PRR12: variants seen among roughly 807,000 people sequenced by gnomAD.
PRR12 encodes proline-rich protein 12.
In PRR12, 12 loss-of-function variants were observed where a neutral mutation model predicts 138.0. The observed-to-expected ratio is 0.09, with a 90% CI of 0.06 to 0.14. The LOEUF is 0.14. PRR12 is among the 10% of genes least tolerant of loss of function. The pLI, the probability that PRR12 is intolerant of heterozygous loss-of-function variation, is 1.00. For missense variants in PRR12, 2,692 were observed against 2,861.3 expected, an observed-to-expected ratio of 0.94 and a Z score of 1.35; for synonymous variants, 1,567 against 1,291.7, an observed-to-expected ratio of 1.21 and a Z score of -4.57.
At position 49,614,468 on chromosome 19, in the gene PRR12, G is replaced by A. The variant is rs556503418; in HGVS notation, c.4774-65G>A. ...GTGAGGGAAGCCAGTGGGCCAGGGC[G>A]TAGGGGCAGTAGGTCTAGGAATGAG... is the stretch of plus-strand genomic sequence containing the variant. On this transcript the variant is annotated intron_variant, in intron 6 of 13. Transcript: ENST00000418929. The surrounding 1 kb of genome is among the most constrained non-coding windows in gnomAD (Gnocchi z 5.0). 1,918 of 1,192,672 alleles carry A rather than the reference G, an allele frequency of 1.6e-3. 4 individuals carry two copies. Among genetic ancestry groups the A allele is most frequent in the Non-Finnish European group, 2.1e-3 (1,806 of 867,416 alleles). 73.9% of individuals were successfully genotyped at this position (1,192,672 alleles called of 1,614,324 possible).
rs2080946872 is a variant in PRR12, at chr19:49,624,922, C to T, written c.5800C>T (p.Arg1934Trp). 2.5e-6 allele frequency: 4 copies of T among 1,603,364 alleles called. No individual in the cohort carries two copies. The highest frequency in any genetic ancestry group is 3.4e-6 in the Non-Finnish European group (4 of 1,174,632). Residue 1934 changes from arginine to tryptophan, a missense_variant, in exon 12 of 14, where the codon CGG (arginine) becomes TGG (tryptophan). By Grantham distance (101) the Arg-to-Trp change is moderately radical. This residue lies in a region of PRR12 where 116 missense variants were observed against 243.4 expected (regional missense o/e 0.48). Coordinates refer to ENST00000418929, the MANE Select transcript of PRR12 (RefSeq NM_020719.3). The part of the protein sequence containing the change: ...GSPEEGAVRL[R>W]PAGEPYNRKT... ...TCCGGAAGAGGGGGCTGTGCGGCTG[C>T]GGCCTGCTGGGGAACCCTACAACCG...
At chr19:49,621,012 G>A (rs1384955375) in intron 10 of PRR12, among the ~76,000 whole-genome samples, 4 of 121,968 alleles carry the variant, frequency 3.3e-5, no homozygotes, top group Admixed American at 1.6e-4. Context: ...GTCTGAGGGA[G>A]GAGGGGCTGG....
chr19:49,596,303 A>G lies in PRR12; in HGVS notation c.1968A>G (p.Ser656=). The change falls in exon 4 of 14, where the codon TCA becomes TCG. Residue 656 remains serine (S), a synonymous_variant. Transcript: ENST00000418929. The surrounding 1 kb of genome is among the most constrained non-coding windows in gnomAD (Gnocchi z 5.6). ...AGGCGCCCAGCCCTCCTCGGACCTC[A>G]GGGGCGGACGGCTTGGTGGGCGAGG... The part of the protein sequence containing the change: ...LLQAPSPPRT[S]GADGLVGEDG... 2 of 1,610,732 alleles carry G rather than the reference A, an allele frequency of 1.2e-6. No individual in the cohort carries two copies. The highest frequency in any genetic ancestry group is 1.7e-6 in the Non-Finnish European group (2 of 1,179,372).
At chr19:49,611,089 G>T (rs1371073243) in intron 6 of PRR12, among the ~76,000 whole-genome samples, 1 of 151,852 alleles carries the variant, frequency 6.6e-6, no homozygotes. Flanking sequence ...TGATCCATCT[G>T]CCTCGGCCTT....
At position 49,595,763 on chromosome 19, in the gene PRR12, AG is replaced by A; in HGVS notation, c.1433del (p.Gly478AlafsTer113). 1.2e-6 allele frequency: 2 copies of A among 1,601,956 alleles called. No homozygotes were observed. Among genetic ancestry groups the A allele is most frequent in the Non-Finnish European group, 1.7e-6 (2 of 1,174,980 alleles). ...ACTTGAGCAAAGCCCCCAGCTACTC[AG>A]GGGGCCCCCCACAGCCCCCCAGCGG... ...QDLSKAPSYS[G>X]GPPQPPSGPP... On this transcript the variant is annotated frameshift_variant, in exon 4 of 14. Transcript: ENST00000418929. LOFTEE classifies it high-confidence loss of function.
chr19:49,593,250 T>TC, intron 1 of PRR12, 77 bp from the exon 2 acceptor site: 18 of 422,206 alleles, frequency 4.3e-5, no homozygotes, highest in South Asian at 2.5e-4. Flanking sequence ...TCCCCCCAAC[T>TC]CCCCGGGGGG....
intron 6 of PRR12, among the ~76,000 whole-genome samples, chr19:49,606,209 G>C (rs1380835033): frequency 6.6e-6 from 1 of 151,914 alleles, no homozygotes; most frequent in African/African-American, 2.4e-5. Flanking sequence ...TCACTCTGTT[G>C]TCCTGGCTGG....
intron 6 of PRR12, among the ~76,000 whole-genome samples, chr19:49,606,280 C>T (rs949837805): frequency 4.0e-5 from 6 of 151,324 alleles, no homozygotes; most frequent in African/African-American, 9.7e-5. Flanking sequence ...CTGAGATTGC[C>T]GGTGTGAGCC....
At chr19:49,602,084 G>A (rs1481605858) in intron 6 of PRR12, among the ~76,000 whole-genome samples, 166 bp downstream of exon 6, 4 of 152,172 alleles carry the variant, frequency 2.6e-5, no homozygotes, top group African/African-American at 4.8e-5. Flanking sequence ...GAGGACCTGC[G>A]GGCCTCAGAG....
intron 6 of PRR12, 48 bp downstream of exon 6, chr19:49,601,966 CTGTT>C: frequency 6.3e-7 from 1 of 1,582,940 alleles, no homozygotes; most frequent in Non-Finnish European, 8.6e-7. Flanking sequence ...GTTTGGTCAC[CTGTT>C]TGTTGAGTGC....
In PRR12 at chr19:49,599,201, G is replaced by A. The variant is rs1397401964; in HGVS notation, c.3679-71G>A. The A allele has an allele frequency of 1.4e-5, 20 of 1,426,070 alleles. No homozygotes were observed. Among genetic ancestry groups the A allele is most frequent in the Non-Finnish European group, 1.9e-5 (20 of 1,078,686 alleles). 88.3% of individuals were successfully genotyped at this position (1,426,070 alleles called of 1,614,324 possible). ...TGAGCACCTGTAAATTTGGATTTTTGGGGGCTGAGGGAGGATGGGACTGGG... is the reference window on the plus strand; with the variant it reads ...TGAGCACCTGTAAATTTGGATTTTTAGGGGCTGAGGGAGGATGGGACTGGG... On this transcript the variant is annotated intron_variant, in intron 4 of 13. Transcript: ENST00000418929. The surrounding 1 kb of genome is among the most constrained non-coding windows in gnomAD (Gnocchi z 5.0).
In PRR12 at chr19:49,591,470, C is replaced by T. The variant is rs2080725139; in HGVS notation, c.-185C>T. Among the ~76,000 whole-genome samples the T allele has an allele frequency of 6.7e-6, 1 of 149,802 alleles. No homozygotes were observed. The highest frequency in any genetic ancestry group is 2.1e-4 in the South Asian group (1 of 4,784). On this transcript the variant is annotated 5_prime_UTR_variant, in exon 1 of 14. Transcript: ENST00000418929. ...CCCTCCCTTGCCCGCCCCTCCGCCC[C>T]TGCCCCCTCCCTCCCCCGCCCGGGG...
intron 11 of PRR12, among the ~76,000 whole-genome samples, chr19:49,622,184 G>T (rs2080926708): frequency 6.6e-6 from 1 of 152,194 alleles, no homozygotes; most frequent in Admixed American, 6.5e-5. Context: ...AAGACTTGCA[G>T]TGATTCTGAG....
chr19:49,600,534 C>G (rs905736297), intron 5 of PRR12, among the ~76,000 whole-genome samples: 6 of 151,320 alleles, frequency 4.0e-5, no homozygotes, highest in African/African-American at 1.2e-4. Flanking sequence ...ACCTGTAATC[C>G]TAGCACACTT....
intron 8 of PRR12, 94 bp from the exon 9 acceptor site, chr19:49,615,653 C>T: frequency 2.0e-6 from 2 of 1,002,720 alleles, no homozygotes; most frequent in African/African-American, 1.6e-5. Context: ...ATGAGAGAAG[C>T]TATTCCTGTG....
At chr19:49,606,678 G>C (rs1254445833) in intron 6 of PRR12, among the ~76,000 whole-genome samples, 2 of 116,044 alleles carry the variant, frequency 1.7e-5, no homozygotes, top group Non-Finnish European at 3.4e-5. Context: ...ATGGAGTCTC[G>C]CTTTGTCTCC....
chr19:49,599,721 G>T lies in PRR12; in HGVS notation c.4128G>T (p.Thr1376=). The T allele has an allele frequency of 3.1e-6, 5 of 1,613,538 alleles. No homozygotes were observed. Among genetic ancestry groups the T allele is most frequent in the Non-Finnish European group, 4.2e-6 (5 of 1,179,890 alleles). Residue 1376 remains threonine, a synonymous_variant, in exon 5 of 14, where the codon ACG becomes ACT. Coordinates refer to ENST00000418929, the MANE Select transcript of PRR12 (RefSeq NM_020719.3). This position sits in a 1 kb window ranked among gnomAD's most constrained non-coding sequence, Gnocchi z 5.0. The stretch of plus-strand genomic sequence containing the variant: ...AGGAGCTGAAGCGGAACCTCGAGAC[G>T]CTGCCCTCCTTCTCCTCGGATGAGG... ...LDEELKRNLE[T]LPSFSSDEED...
chr19:49,601,765 G>T lies in PRR12; in HGVS notation c.4620G>T (p.Leu1540=). 1 of 1,594,198 alleles carries T rather than the reference G, an allele frequency of 6.3e-7. No individual in the cohort carries two copies. Residue 1540 remains leucine, a synonymous_variant, in exon 6 of 14, where the codon CTG becomes CTT. Transcript: ENST00000418929. ...PAAPSPEDPE[L]PDTRPLHLAK... ...CCCCGTCTCCCGAAGACCCCGAGCT[G>T]CCGGACACCCGGCCCCTGCATCTGG...
intron 4 of PRR12, 50 bp downstream of exon 4, chr19:49,598,063 C>A: frequency 7.9e-7 from 1 of 1,262,592 alleles, no homozygotes; most frequent in South Asian, 3.3e-5. Context: ...GAGCTGTGTC[C>A]GATGTTTGAG....
Sources: allele counts gnomAD v4.1 joint callset (sites outside exome capture counted in the v4.1 genomes callset), GRCh38; gene constraint gnomAD v4.1.1; regional missense constraint gnomAD v4.1.1; non-coding constraint Gnocchi (gnomAD v3.1); transcripts MANE v1.5; gene names NCBI Gene and HGNC (gene_info 2026-07-23, HGNC 2026-07-21).